The following RCOR1 variants were observed in gnomAD, a reference collection of about 807,000 sequenced individuals.
The protein encoded by RCOR1 is REST corepressor.
In RCOR1, 12 loss-of-function variants were observed where a neutral mutation model predicts 64.0. The ratio of observed to expected loss-of-function variants is 0.19; its 90% CI spans 0.12 to 0.30. The LOEUF (loss-of-function observed/expected upper bound fraction) is 0.30. Ranked by LOEUF, RCOR1 falls within the 10% of genes least tolerant of loss-of-function variation. The pLI is 1.00. For synonymous variants in RCOR1, 279 were observed against 227.2 expected (o/e 1.23, Z -2.05); for missense variants, 502 against 621.2 (o/e 0.81, Z 2.04).
At chr14:102,720,903 A>G (rs956544544) in intron 8 of RCOR1, 104 bp from the exon 9 acceptor site, 18 of 604,198 alleles carry the variant, frequency 3.0e-5, no homozygotes, top group South Asian at 2.6e-4. Context: ...GATGTTAGTA[A>G]CGTCTTTACT....
intron 11 of RCOR1, among the ~76,000 whole-genome samples, chr14:102,726,156 G>A (rs935556803): frequency 2.6e-5 from 4 of 151,806 alleles, no homozygotes; most frequent in Non-Finnish European, 5.9e-5. Flanking sequence ...GTGAAACCCC[G>A]TCTCTACTGA....
At chr14:102,719,725 A>G (rs555928984) in intron 8 of RCOR1, among the ~76,000 whole-genome samples, 90 of 152,228 alleles carry the variant, frequency 5.9e-4, no homozygotes, top group African/African-American at 2.1e-3. Context: ...TTTTGCATTT[A>G]CTCTCTCTGC....
chr14:102,647,568 C>G (rs1183014824), intron 2 of RCOR1, among the ~76,000 whole-genome samples: 1 of 152,178 alleles, frequency 6.6e-6, no homozygotes, highest in Non-Finnish European at 1.5e-5. Context: ...ATCTGGCCAC[C>G]CCAGCCTCCC....
At chr14:102,639,155 GTTTTC>G (rs981246138) in intron 2 of RCOR1, among the ~76,000 whole-genome samples, 5 of 152,016 alleles carry the variant, frequency 3.3e-5, no homozygotes, top group African/African-American at 1.2e-4. Context: ...CATTTGGATG[GTTTTC>G]TTTTGTGCGG....
At chr14:102,679,541 C>T (rs1224004904) in intron 2 of RCOR1, among the ~76,000 whole-genome samples, 3 of 150,976 alleles carry the variant, frequency 2.0e-5, no homozygotes, top group Admixed American at 6.6e-5. Context: ...TGCAGTGGTG[C>T]AATCTTGGCT....
At chr14:102,653,013 A>G (rs1894622649) in intron 2 of RCOR1, among the ~76,000 whole-genome samples, 1 of 151,524 alleles carries the variant, frequency 6.6e-6, no homozygotes, top group Non-Finnish European at 1.5e-5. Context: ...GCTCACTGCA[A>G]CCTCTATCTC....
chr14:102,595,887 C>T (rs968605942), intron 2 of RCOR1, among the ~76,000 whole-genome samples: 1 of 151,256 alleles, frequency 6.6e-6, no homozygotes, highest in African/African-American at 2.4e-5. Context: ...CCCCAAATTT[C>T]TTTATTTTGT....
intron 3 of RCOR1, among the ~76,000 whole-genome samples, chr14:102,683,741 C>G (rs939289894): frequency 1.3e-5 from 2 of 152,232 alleles, no homozygotes; most frequent in African/African-American, 4.8e-5. Context: ...AGGGAGATGT[C>G]CCTTGATCTC....
At chr14:102,656,821 G>C (rs1393189016) in intron 2 of RCOR1, among the ~76,000 whole-genome samples, 3 of 150,840 alleles carry the variant, frequency 2.0e-5, no homozygotes, top group African/African-American at 4.9e-5. Flanking sequence ...TGTCGCCCAG[G>C]GTGTAGTGCA....
At chr14:102,653,234 T>G (rs2139931281) in intron 2 of RCOR1, among the ~76,000 whole-genome samples, 1 of 152,102 alleles carries the variant, frequency 6.6e-6, no homozygotes, top group African/African-American at 2.4e-5. Context: ...TTATTATTTT[T>G]TAATTGAGAC....
rs1893164699 is a variant in RCOR1 at position 102,593,050 on chromosome 14, C to T, written c.164C>T (p.Ser55Leu). The T allele has an allele frequency of 7.2e-7, 1 of 1,385,388 alleles. No individual in the cohort carries two copies. Among genetic ancestry groups the T allele is most frequent in the Non-Finnish European group, 9.4e-7 (1 of 1,061,186 alleles). The allele number at this position is 1,385,388 out of a possible 1,614,324, so 85.8% of individuals were successfully genotyped here. ...TCGGGCGCCGCCGCCTCCTCAGCCT[C>T]GGCCGCCGCCGCCTCAGCCGCCGCC... ...AASGAAASSA[S>L]AAAASAAAAP... Residue 55 changes from serine (S) to leucine (L), a missense_variant, in exon 1 of 12, where the codon TCG becomes TTG. Coordinates refer to ENST00000262241, the MANE Select transcript of RCOR1 (RefSeq NM_015156.4).
At chr14:102,671,388 TTTTGTTTG>T (rs939041304) in intron 2 of RCOR1, among the ~76,000 whole-genome samples, 1 of 152,010 alleles carries the variant, frequency 6.6e-6, no homozygotes, top group Non-Finnish European at 1.5e-5. Flanking sequence ...AGTTTCTGTG[TTTTGTTTG>T]TTTGTTTGTT....
chr14:102,629,917 G>T, intron 2 of RCOR1: 1 of 770,310 alleles, frequency 1.3e-6, no homozygotes, highest in Non-Finnish European at 1.6e-6. Context: ...GTAAGTGGCA[G>T]AACTCAGCTT....
At chr14:102,705,933 T>C (rs191016331) in intron 4 of RCOR1, among the ~76,000 whole-genome samples, 339 of 151,216 alleles carry the variant, frequency 2.2e-3, no homozygotes, top group Non-Finnish European at 3.6e-3. Flanking sequence ...CTGGGCAACA[T>C]GGCAAAACCC....
intron 2 of RCOR1, among the ~76,000 whole-genome samples, chr14:102,616,244 G>GTA (rs1893759558): frequency 1.9e-5 from 2 of 103,832 alleles, no homozygotes; most frequent in Non-Finnish European, 4.4e-5. Context: ...GTGTGTGTGT[G>GTA]TGTGTATGTG....
chr14:102,683,624 G>A (rs946543654), intron 3 of RCOR1, among the ~76,000 whole-genome samples: 4 of 152,240 alleles, frequency 2.6e-5, no homozygotes, highest in Admixed American at 6.5e-5. Context: ...CTTGGGAATC[G>A]GAGGATGCTT....
At chr14:102,598,667 C>G (rs992778464) in intron 2 of RCOR1, among the ~76,000 whole-genome samples, 1 of 151,706 alleles carries the variant, frequency 6.6e-6, no homozygotes, top group African/African-American at 2.4e-5. Context: ...CCAGGATGGT[C>G]TCAATCTCCT....
intron 2 of RCOR1, among the ~76,000 whole-genome samples, chr14:102,599,489 C>T (rs1249829300): frequency 6.6e-6 from 1 of 152,102 alleles, no homozygotes; most frequent in Non-Finnish European, 1.5e-5. Flanking sequence ...CTTGGTGCTT[C>T]AGAGGCGTAC....
intron 2 of RCOR1, among the ~76,000 whole-genome samples, chr14:102,635,998 A>G (rs1894227698): frequency 6.7e-6 from 1 of 150,204 alleles, no homozygotes; most frequent in Admixed American, 6.6e-5. Context: ...GCTGGAGTGT[A>G]GTGTCACCAC....
Sources: gnomAD v4.1 joint callset for allele counts (sites outside exome capture counted in the v4.1 genomes callset) on GRCh38, gnomAD v4.1.1 for gene constraint, MANE v1.5 for transcripts, NCBI Gene and HGNC (gene_info 2026-07-23, HGNC 2026-07-21) for gene names.